Variants in AFF3 observed in about 807,000 individuals in gnomAD.
AFF3 encodes ALF transcription elongation factor 3, also known as AF4/FMR2 family member 3.
AFF3 carries 32 observed loss-of-function variants against 129.7 expected under a neutral mutation model. The observed-to-expected ratio is 0.25, with a 90% CI of 0.19 to 0.33. The LOEUF is 0.33. AFF3 is among the 10% of genes least tolerant of loss of function. AFF3 has a pLI of 1.00. For missense variants in AFF3, 1,373 were observed against 1,592.0 expected, an observed-to-expected ratio of 0.86 and a Z score of 2.34; for synonymous variants, 644 against 635.4, an observed-to-expected ratio of 1.01 and a Z score of -0.20.
chr2:99,648,261 T>C (rs893738562), intron 13 of AFF3, among the ~76,000 whole-genome samples: 1 of 150,068 alleles, frequency 6.7e-6, no homozygotes, highest in Admixed American at 6.7e-5. Flanking sequence ...AACATCATCA[T>C]CTCCAAAAGA....
rs537603890 is a variant in AFF3 at position 99,686,770 on chromosome 2, G to C, written c.1092-14181C>G. ...AATATAGACAGCAGCAGGCATTCCT[G>C]ACTGAGAACCCTGGTGATGGCCTGA... On this transcript the variant is annotated intron_variant, in intron 11 of 24. Transcript: ENST00000672756. Among the ~76,000 whole-genome samples, 14 of 152,286 alleles carry C rather than the reference G, an allele frequency of 9.2e-5. 1 individual carries two copies. The South Asian group carries it at 2.9e-3, about 32-fold the overall frequency.
intron 4 of AFF3, among the ~76,000 whole-genome samples, chr2:100,036,834 G>GAAA (rs60910274): frequency 8.4e-6 from 1 of 118,758 alleles, no homozygotes; most frequent in Non-Finnish European, 1.8e-5. Flanking sequence ...ACTCCAAACA[G>GAAA]AAAAAAAAAA....
chr2:99,726,580 A>G (rs1679381232), intron 11 of AFF3, among the ~76,000 whole-genome samples: 1 of 152,228 alleles, frequency 6.6e-6, no homozygotes, highest in South Asian at 2.1e-4. Context: ...CACATGTTTT[A>G]TAAGGGCCTT....
intron 4 of AFF3, among the ~76,000 whole-genome samples, chr2:100,017,073 TG>T (rs2104832506): frequency 1.3e-5 from 2 of 152,116 alleles, no homozygotes; most frequent in South Asian, 4.2e-4. Flanking sequence ...GTAATGGTGT[TG>T]GTGGTGGTGA....
chr2:100,004,324 G>C (rs1681739108), intron 7 of AFF3, among the ~76,000 whole-genome samples: 1 of 152,096 alleles, frequency 6.6e-6, no homozygotes, highest in Non-Finnish European at 1.5e-5. Flanking sequence ...ATATTGGCAT[G>C]AATATTTTTG....
At chr2:100,105,103 C>CG (rs1220104916) in intron 3 of AFF3, 2 of 161,114 alleles carry the variant, frequency 1.2e-5, no homozygotes, top group African/African-American at 2.4e-5. Flanking sequence ...GCGCCGAGTG[C>CG]GGGGGGATGC....
chr2:99,742,710 TA>T (rs534507389), intron 10 of AFF3, among the ~76,000 whole-genome samples: 121 of 152,272 alleles, frequency 7.9e-4, no homozygotes, highest in African/African-American at 2.9e-3. Context: ...GCCAGGTGAT[TA>T]AAAAATGACT....
chr2:100,011,260 C>T (rs1682522765), intron 4 of AFF3, among the ~76,000 whole-genome samples: 3 of 152,196 alleles, frequency 2.0e-5, no homozygotes, highest in African/African-American at 7.2e-5. Flanking sequence ...GGCGACAAAG[C>T]GAGACTCCCT....
intron 2 of AFF3, among the ~76,000 whole-genome samples, chr2:100,127,487 C>T (rs1159975755): frequency 6.6e-6 from 1 of 152,178 alleles, no homozygotes; most frequent in African/African-American, 2.4e-5. Flanking sequence ...ATGGGGTCTT[C>T]TGGTTCCTTG....
At position 99,587,264 on chromosome 2, in the gene AFF3, G is replaced by A. The variant is rs911084760; in HGVS notation, c.2481C>T (p.Asp827=). 9.3e-6 allele frequency: 15 copies of A among 1,614,060 alleles called. No homozygotes were observed. Among genetic ancestry groups the A allele is most frequent in the South Asian group, 4.4e-5 (4 of 91,080 alleles). The change falls in exon 16 of 25, where the codon GAC becomes GAT. Residue 827 remains aspartate, a synonymous_variant. Coordinates refer to ENST00000672756, the MANE Select transcript of AFF3 (RefSeq NM_001386135.1). ...SKRKRKCDNE[D]DYREIKKSQG... ...GGGACTTCTTGATCTCCCTGTAGTCGTCTTCGTTGTCACACTGTATGGGAA... is the reference window on the plus strand; with the variant it reads ...GGGACTTCTTGATCTCCCTGTAGTCATCTTCGTTGTCACACTGTATGGGAA...
chr2:100,126,852 ATATT>A (rs766292403), intron 2 of AFF3, among the ~76,000 whole-genome samples: 2 of 152,186 alleles, frequency 1.3e-5, no homozygotes, highest in Non-Finnish European at 2.9e-5. Context: ...TTTTATTTCT[ATATT>A]TATTTAAGTT....
Position 99,551,331 on chromosome 2 carries a change from T to C in AFF3, c.*143A>G. The C allele has an allele frequency of 8.2e-7, 1 of 1,223,578 alleles. No homozygotes were observed. 75.8% of individuals were successfully genotyped at this position (1,223,578 alleles called of 1,614,324 possible). A position where few individuals can be genotyped will look rare whatever the true frequency, so the allele number is the denominator to read the frequency against. On this transcript the variant is annotated 3_prime_UTR_variant, in exon 25 of 25. Coordinates refer to ENST00000672756, the MANE Select transcript of AFF3 (RefSeq NM_001386135.1). ...CCCACACATACAAACACACATGCCC[T>C]GCAAAAGATCATTGTTCAATGCTGA...
chr2:99,765,943 G>A (rs895984770), intron 8 of AFF3, among the ~76,000 whole-genome samples: 2 of 152,206 alleles, frequency 1.3e-5, no homozygotes, highest in African/African-American at 4.8e-5. Context: ...TTTCTTCAAA[G>A]GGATAGTTAC....
At chr2:100,008,034 A>G (rs918884984) in intron 5 of AFF3, 4 of 153,388 alleles carry the variant, frequency 2.6e-5, no homozygotes, top group Non-Finnish European at 5.8e-5. Flanking sequence ...CAGCTAAAAC[A>G]GATTACCTGG....
At chr2:99,910,068 C>G (rs1202275494) in intron 7 of AFF3, among the ~76,000 whole-genome samples, 1 of 152,122 alleles carries the variant, frequency 6.6e-6, no homozygotes, top group African/African-American at 2.4e-5. Context: ...GCAGTATGTT[C>G]AATCTGAAAT....
In AFF3 at chr2:100,006,667, T is replaced by G. The variant is rs777559868; in HGVS notation, c.838A>C (p.Lys280Gln). Residue 280 changes from lysine to glutamine, a missense_variant, in exon 7 of 25, where the codon AAG becomes CAG. This residue lies in a region of AFF3 where 413 missense variants were observed against 424.4 expected (regional missense o/e 0.97). Transcript: ENST00000672756. ...TTGGGGATGCTGAACTTGGAGAGCT[T>G]GGCCTTGGCTCTGGCAGGCTCCGGC... The part of the protein sequence containing the change: ...SKPEPARAKA[K>Q]LSKFSIPKQG... 4 of 1,611,794 alleles carry G rather than the reference T, an allele frequency of 2.5e-6. No homozygotes were observed. The highest frequency in any genetic ancestry group is 2.5e-6 in the Non-Finnish European group (3 of 1,178,058).
intron 11 of AFF3, among the ~76,000 whole-genome samples, chr2:99,710,847 C>T (rs1174198947): frequency 1.3e-5 from 2 of 152,254 alleles, no homozygotes; most frequent in East Asian, 1.9e-4. Flanking sequence ...CATGTGAGCA[C>T]AGCTTTACTA....
intron 8 of AFF3, among the ~76,000 whole-genome samples, chr2:99,762,362 C>T (rs1173528416): frequency 5.9e-5 from 9 of 152,010 alleles, no homozygotes; most frequent in African/African-American, 1.2e-4. Flanking sequence ...TGACCTCAGG[C>T]GATCCACCTG....
intron 12 of AFF3, among the ~76,000 whole-genome samples, chr2:99,651,380 G>T (rs1558699883): frequency 6.6e-6 from 1 of 152,086 alleles, no homozygotes; most frequent in Non-Finnish European, 1.5e-5. Flanking sequence ...TACTCAGCAT[G>T]CACCGGGAAA....
Sources: gnomAD v4.1 joint callset for allele counts (sites outside exome capture counted in the v4.1 genomes callset) on GRCh38, gnomAD v4.1.1 for gene constraint, gnomAD v4.1.1 regional missense constraint, MANE v1.5 for transcripts, NCBI Gene and HGNC (gene_info 2026-07-23, HGNC 2026-07-21) for gene names.